The following PIK3R3 variants were observed in gnomAD, a reference collection of about 807,000 sequenced individuals.
The protein encoded by PIK3R3 is phosphoinositide-3-kinase regulatory subunit 3.
Under a neutral mutation model 62.9 loss-of-function variants are expected in PIK3R3, and 64 were observed. The ratio of observed to expected loss-of-function variants is 1.02; its 90% CI spans 0.83 to 1.25. The LOEUF (loss-of-function observed/expected upper bound fraction) is 1.25. Among genes scored for constraint, PIK3R3 ranks in the 50% most tolerant of loss-of-function variants. PIK3R3 has a pLI of 0.00. For synonymous variants in PIK3R3, 165 were observed against 189.0 expected (o/e 0.87, Z 1.04); for missense variants, 614 against 561.6 (o/e 1.09, Z -0.94).
At chr1:46,047,602 C>T (rs560593387) in intron 7 of PIK3R3, among the ~76,000 whole-genome samples, 1 of 152,236 alleles carries the variant, frequency 6.6e-6, no homozygotes, top group East Asian at 1.9e-4. Flanking sequence ...TTCATCATTA[C>T]CCACCAAGCA....
chr1:46,110,841 G>C (rs1653678727), intron 1 of PIK3R3, among the ~76,000 whole-genome samples: 1 of 151,152 alleles, frequency 6.6e-6, no homozygotes, highest in African/African-American at 2.4e-5. Context: ...GCGGAGGGGG[G>C]AGGGTCAGCC....
At chr1:46,057,363 A>T (rs566269316) in intron 6 of PIK3R3, 9 of 152,426 alleles carry the variant, frequency 5.9e-5, no homozygotes, top group African/African-American at 1.9e-4. Context: ...AAACGGACTA[A>T]TTTAGTAAAT....
the PIK3R3 span, among the ~76,000 whole-genome samples, chr1:46,174,035 G>A: frequency 6.6e-6 from 1 of 152,282 alleles, no homozygotes; most frequent in South Asian, 2.1e-4. Context: ...GTGTGCTTGT[G>A]TCTGGGTGCA....
chr1:46,124,993 G>A (rs1183902262), intron 1 of PIK3R3, among the ~76,000 whole-genome samples: 3 of 152,074 alleles, frequency 2.0e-5, no homozygotes, highest in African/African-American at 7.2e-5. Flanking sequence ...CAGCTACTCG[G>A]GAGGCTGAGG....
At chr1:46,115,213 G>C (rs1174564251) in intron 1 of PIK3R3, among the ~76,000 whole-genome samples, 1 of 152,036 alleles carries the variant, frequency 6.6e-6, no homozygotes, top group African/African-American at 2.4e-5. Context: ...CAGGGCCAAA[G>C]CCTGTACCCT....
At chr1:46,170,878 G>A in the PIK3R3 span, among the ~76,000 whole-genome samples, 1 of 152,116 alleles carries the variant, frequency 6.6e-6, no homozygotes, top group South Asian at 2.1e-4. Flanking sequence ...CCATTTCAAG[G>A]ATATTCTAAT....
Position 46,066,034 on chromosome 1 carries a change from A to ATG in PIK3R3, c.621+19_621+20insCA. 6.2e-7 allele frequency: 1 copy of ATG among 1,603,078 alleles called. No homozygotes were observed. The highest frequency in any genetic ancestry group is 2.2e-5 in the East Asian group (1 of 44,640). ...AAAACATTGCACACATATTAGTCAA[A>ATG]AACAACATAATATACCAACCTGGGA... On this transcript the variant is annotated intron_variant, in intron 5 of 9. Coordinates refer to ENST00000262741, the MANE Select transcript of PIK3R3 (RefSeq NM_003629.4).
chr1:46,116,250 C>A (rs1557626432), intron 1 of PIK3R3, among the ~76,000 whole-genome samples: 1 of 152,098 alleles, frequency 6.6e-6, no homozygotes, highest in Non-Finnish European at 1.5e-5. Flanking sequence ...GTGGCTCATG[C>A]CTATAATCCC....
chr1:46,129,957 G>T (rs1655432547), intron 1 of PIK3R3, among the ~76,000 whole-genome samples: 1 of 152,104 alleles, frequency 6.6e-6, no homozygotes, highest in South Asian at 2.1e-4. Flanking sequence ...TATTTCCATG[G>T]AAAATAAAGT....
chr1:46,078,720 AT>A (rs1235354151), intron 2 of PIK3R3, among the ~76,000 whole-genome samples: 1 of 152,192 alleles, frequency 6.6e-6, no homozygotes, highest in Admixed American at 6.5e-5. Flanking sequence ...TACAACAGCC[AT>A]AAATTAGAAA....
At chr1:46,086,392 C>T (rs1454787623) in intron 1 of PIK3R3, among the ~76,000 whole-genome samples, 4 of 151,988 alleles carry the variant, frequency 2.6e-5, no homozygotes. Flanking sequence ...GAAGTTCGAA[C>T]CCACAGTGTG....
At chr1:46,166,031 C>T in the PIK3R3 span, among the ~76,000 whole-genome samples, 2 of 151,718 alleles carry the variant, frequency 1.3e-5, no homozygotes, top group South Asian at 2.1e-4. Flanking sequence ...GCCTCGGCCT[C>T]CCAAAGTGCT....
At chr1:46,095,150 A>C (rs1268047217) in intron 1 of PIK3R3, among the ~76,000 whole-genome samples, 2 of 152,250 alleles carry the variant, frequency 1.3e-5, no homozygotes, top group Non-Finnish European at 2.9e-5. Context: ...AAAAGAATAT[A>C]AATCATCCTA....
intron 1 of PIK3R3, among the ~76,000 whole-genome samples, chr1:46,106,959 C>T (rs1217055001): frequency 2.6e-5 from 4 of 151,896 alleles, no homozygotes; most frequent in Non-Finnish European, 5.9e-5. Flanking sequence ...ATTTTCAGTA[C>T]AAACGGGGTC....
intron 1 of PIK3R3, among the ~76,000 whole-genome samples, chr1:46,098,105 C>G (rs572819704): frequency 6.6e-6 from 1 of 151,980 alleles, no homozygotes; most frequent in African/African-American, 2.4e-5. Flanking sequence ...TAGCAATGAA[C>G]AATCCAAAAA....
At chr1:46,169,068 G>C in the PIK3R3 span, among the ~76,000 whole-genome samples, 1 of 152,110 alleles carries the variant, frequency 6.6e-6, no homozygotes, top group Non-Finnish European at 1.5e-5. Context: ...TTGCACTTAC[G>C]AATGGAACTC....
At chr1:46,071,961 G>T (rs1649580707) in intron 3 of PIK3R3, among the ~76,000 whole-genome samples, 1 of 151,570 alleles carries the variant, frequency 6.6e-6, no homozygotes, top group Admixed American at 6.6e-5. Flanking sequence ...ACATCTCACA[G>T]AAAGCAGCTA....
chr1:46,147,787 C>G, the PIK3R3 span, among the ~76,000 whole-genome samples: 10 of 152,128 alleles, frequency 6.6e-5, no homozygotes, highest in Non-Finnish European at 1.5e-4. Flanking sequence ...CTAATGAAAA[C>G]AACAGATTTT....
At chr1:46,110,677 A>C (rs1653663607) in intron 1 of PIK3R3, among the ~76,000 whole-genome samples, 1 of 152,110 alleles carries the variant, frequency 6.6e-6, no homozygotes, top group Non-Finnish European at 1.5e-5. Context: ...TCCAGTGCCA[A>C]GTGTTTCACA....
Sources: gnomAD v4.1 joint callset for allele counts (sites outside exome capture counted in the v4.1 genomes callset) on GRCh38, gnomAD v4.1.1 for gene constraint, MANE v1.5 for transcripts, NCBI Gene and HGNC (gene_info 2026-07-23, HGNC 2026-07-21) for gene names.